Variants in ZNF277 observed in about 807,000 individuals in gnomAD.
ZNF277 encodes the protein zinc finger protein 277.
In ZNF277, 55 loss-of-function variants were observed where a neutral mutation model predicts 60.7. The observed-to-expected ratio is 0.91, with a 90% confidence interval of 0.73 to 1.13. ZNF277 has a LOEUF of 1.13. ZNF277 is among the 50% of genes most tolerant of loss of function. ZNF277 has a pLI of 0.00. For missense variants in ZNF277, 510 were observed against 523.0 expected, an observed-to-expected ratio of 0.98 and a Z score of 0.24; for synonymous variants, 178 against 179.3, an observed-to-expected ratio of 0.99 and a Z score of 0.06.
rs1016275 is a variant in ZNF277 at position 112,335,318 on chromosome 7, T to G, written c.802-786T>G. 9.4e-3 allele frequency among the ~76,000 whole-genome samples: 1,432 copies of G among 152,234 alleles called. 17 individuals carry two copies. The highest frequency in any genetic ancestry group is 0.032 in the African/African-American group (1,341 of 41,544). ...CTTTGTGACATTGTCTGCTTTTGCA[T>G]GGCACAATGGGAAGATTGGATAGAA... On this transcript the variant is annotated intron_variant, in intron 7 of 11. Coordinates refer to ENST00000361822, the MANE Select transcript of ZNF277 (RefSeq NM_021994.3).
At chr7:112,336,924 C>G (rs1793346289) in intron 8 of ZNF277, among the ~76,000 whole-genome samples, 1 of 152,176 alleles carries the variant, frequency 6.6e-6, no homozygotes, top group Non-Finnish European at 1.5e-5. Context: ...TGGGCCGGGA[C>G]TGGTGGCTCC....
At chr7:112,290,435 G>A (rs1006183454) in intron 2 of ZNF277, among the ~76,000 whole-genome samples, 1 of 152,114 alleles carries the variant, frequency 6.6e-6, no homozygotes, top group Non-Finnish European at 1.5e-5. Flanking sequence ...GGACTTAGGA[G>A]TCAGTAATTA....
Position 112,257,032 on chromosome 7 carries a change from A to G in ZNF277, c.92-29841A>G, listed in dbSNP as rs576816875. On this transcript the variant is annotated intron_variant, in intron 1 of 11. Transcript: ENST00000361822. ...TCTCAGAAAATATAAAGTTTTGTATAAGGAGTTTACCAGAGTTCTGAAGAT... is the reference window on the plus strand; with the variant it reads ...TCTCAGAAAATATAAAGTTTTGTATGAGGAGTTTACCAGAGTTCTGAAGAT... 1.5e-4 allele frequency among the ~76,000 whole-genome samples: 23 copies of G among 152,320 alleles called. No individual in the cohort carries two copies. The East Asian group carries it at 3.7e-3, about 24-fold the overall frequency.
chr7:112,285,216 G>A (rs774336052), intron 1 of ZNF277, among the ~76,000 whole-genome samples: 1 of 151,332 alleles, frequency 6.6e-6, no homozygotes, highest in Non-Finnish European at 1.5e-5. Context: ...TTTTTTAGTA[G>A]AGACACGGTT....
chr7:112,222,974 G>A (rs1439663444), intron 1 of ZNF277, among the ~76,000 whole-genome samples: 9 of 152,156 alleles, frequency 5.9e-5, no homozygotes, highest in African/African-American at 1.7e-4. Flanking sequence ...TACCATGCTG[G>A]ATGCTTCCTG....
intron 4 of ZNF277, among the ~76,000 whole-genome samples, chr7:112,300,669 AT>A (rs1297432225): frequency 6.6e-6 from 1 of 152,118 alleles, no homozygotes; most frequent in East Asian, 1.9e-4. Flanking sequence ...CCAAATCTAT[AT>A]TTCCTTATGT....
At chr7:112,320,373 C>T (rs1410766812) in intron 5 of ZNF277, among the ~76,000 whole-genome samples, 1 of 152,022 alleles carries the variant, frequency 6.6e-6, no homozygotes, top group Non-Finnish European at 1.5e-5. Flanking sequence ...TCTTATAAAA[C>T]GTCCCCTTTC....
chr7:112,316,106 T>C (rs1315076952), intron 4 of ZNF277, among the ~76,000 whole-genome samples: 4 of 152,154 alleles, frequency 2.6e-5, no homozygotes, highest in Non-Finnish European at 5.9e-5. Flanking sequence ...TAACATCTCT[T>C]ACAGGGAGTC....
intron 1 of ZNF277, among the ~76,000 whole-genome samples, chr7:112,276,797 C>T (rs981518341): frequency 6.8e-4 from 103 of 152,274 alleles, no homozygotes; most frequent in African/African-American, 2.4e-3. Flanking sequence ...TTAAGAATTA[C>T]ATTTACCAAG....
chr7:112,284,398 G>A (rs1017630629), intron 1 of ZNF277, among the ~76,000 whole-genome samples: 5 of 152,066 alleles, frequency 3.3e-5, no homozygotes, highest in African/African-American at 1.2e-4. Flanking sequence ...GCTGCCTTTT[G>A]TAGCTATATA....
intron 1 of ZNF277, among the ~76,000 whole-genome samples, chr7:112,232,826 A>T (rs1403207699): frequency 6.6e-6 from 1 of 152,134 alleles, no homozygotes; most frequent in Non-Finnish European, 1.5e-5. Flanking sequence ...AGTAATTCCA[A>T]AAGCCTAAGG....
intron 1 of ZNF277, among the ~76,000 whole-genome samples, chr7:112,250,325 A>C (rs772301274): frequency 7.0e-4 from 106 of 152,196 alleles, no homozygotes; most frequent in Admixed American, 4.6e-3. Flanking sequence ...TATCAATGAC[A>C]GTGGTGCCCG....
intron 1 of ZNF277, among the ~76,000 whole-genome samples, chr7:112,244,674 T>C (rs1344761364): frequency 6.6e-6 from 1 of 152,136 alleles, no homozygotes; most frequent in Non-Finnish European, 1.5e-5. Flanking sequence ...TATATAGTTT[T>C]CTCTATTACC....
At chr7:112,277,134 A>C (rs1584369749) in intron 1 of ZNF277, among the ~76,000 whole-genome samples, 1 of 125,264 alleles carries the variant, frequency 8.0e-6, no homozygotes, top group Non-Finnish European at 1.5e-5. Context: ...CCCAGGCTGG[A>C]GTGCAGTGGC....
At position 112,309,608 on chromosome 7, in the gene ZNF277, C is replaced by T. The variant is rs538593630; in HGVS notation, c.466-8574C>T. 2.6e-5 allele frequency among the ~76,000 whole-genome samples: 4 copies of T among 151,746 alleles called. No individual in the cohort carries two copies. In the East Asian group the frequency reaches 7.8e-4, roughly 30 times the overall value. ...TTTCTATTAATCCTAAGTATATTGT[C>T]CATGATGCATATACTTATTATATAC... On this transcript the variant is annotated intron_variant, in intron 4 of 11. Transcript: ENST00000361822.
intron 5 of ZNF277, among the ~76,000 whole-genome samples, chr7:112,326,364 C>CT (rs3214168): frequency 0.051 from 7,827 of 152,142 alleles, 276 homozygotes; most frequent in Admixed American, 0.12. Flanking sequence ...GCCTGACACC[C>CT]TTCCCCCACC....
intron 1 of ZNF277, among the ~76,000 whole-genome samples, chr7:112,272,774 G>A (rs1370679063): frequency 3.9e-5 from 6 of 152,126 alleles, no homozygotes; most frequent in African/African-American, 9.7e-5. Flanking sequence ...GATAACAGGC[G>A]TGAGCCACTG....
chr7:112,296,341 G>A lies in ZNF277; in HGVS notation c.465+30G>A, dbSNP rs758275629. ...GAATTGTTTTTAAAGGGTGAATAGT[G>A]TCTTGAAAATACATATAAATACATA... is the stretch of plus-strand genomic sequence containing the variant. On this transcript the variant is annotated intron_variant, in intron 4 of 11. Transcript: ENST00000361822. 42 of 1,211,904 alleles carry A rather than the reference G, an allele frequency of 3.5e-5. No homozygotes were observed. In the African/African-American group the frequency reaches 6.4e-4, roughly 18 times the overall value. The allele number at this position is 1,211,904 out of a possible 1,614,324, so 75.1% of individuals were successfully genotyped here.
intron 1 of ZNF277, among the ~76,000 whole-genome samples, chr7:112,266,299 A>C (rs562324725): frequency 2.4e-4 from 36 of 152,168 alleles, no homozygotes; most frequent in Middle Eastern, 3.4e-3. Flanking sequence ...GGCACTGGCC[A>C]CCACACCCAG....
Sources: gnomAD v4.1 joint callset for allele counts (sites outside exome capture counted in the v4.1 genomes callset) on GRCh38, gnomAD v4.1.1 for gene constraint, MANE v1.5 for transcripts, NCBI Gene and HGNC (gene_info 2026-07-23, HGNC 2026-07-21) for gene names.